The following DISC1 variants were observed in gnomAD, a reference collection of about 807,000 sequenced individuals.
DISC1 encodes the protein disrupted in schizophrenia 1 protein.
In DISC1, 57 loss-of-function variants were observed where a neutral mutation model predicts 84.5. The ratio of observed to expected loss-of-function variants is 0.67; its 90% CI spans 0.55 to 0.84. The LOEUF (loss-of-function observed/expected upper bound fraction) is 0.84. Among genes scored for constraint, DISC1 ranks in the 40% least tolerant of loss-of-function variants. The pLI is 0.00. For synonymous variants in DISC1, 411 were observed against 415.2 expected, an observed-to-expected ratio of 0.99 and a Z score of 0.12; for missense variants, 1,000 against 1,057.8, an observed-to-expected ratio of 0.95 and a Z score of 0.76.
intron 9 of DISC1, among the ~76,000 whole-genome samples, chr1:231,837,648 T>C (rs984838008): frequency 6.6e-6 from 1 of 152,230 alleles, no homozygotes; most frequent in Non-Finnish European, 1.5e-5. Context: ...AAACTGTTAT[T>C]GTATTTAACT....
rs2076505195 is a variant in DISC1 at position 231,770,846 on chromosome 1, A to G, written c.1410A>G (p.Glu470=). 6.2e-7 allele frequency: 1 copy of G among 1,614,002 alleles called. No individual in the cohort carries two copies. Among genetic ancestry groups the G allele is most frequent in the African/African-American group, 1.3e-5 (1 of 74,932 alleles). ...CTCATTCTCTACAGAAAGAAATCGA[A>G]GCTCTCCAAGCAAGGATGTTTGTGC... The part of the protein sequence containing the change: ...QEKQQLQKEI[E]ALQARMFVLE... Residue 470 remains glutamate, a synonymous_variant, in exon 6 of 13, where the codon GAA becomes GAG. Transcript: ENST00000439617.
chr1:231,778,262 G>C (rs1445670172), intron 6 of DISC1, among the ~76,000 whole-genome samples: 1 of 152,224 alleles, frequency 6.6e-6, no homozygotes, highest in South Asian at 2.1e-4. Flanking sequence ...GCAAGGCCCC[G>C]CCCCAGGGCT....
intron 9 of DISC1, among the ~76,000 whole-genome samples, chr1:231,892,773 G>GATAA (rs759899547): frequency 4.3e-4 from 66 of 152,006 alleles, no homozygotes; most frequent in African/African-American, 1.4e-3. Context: ...AGCCTTAATG[G>GATAA]ATAAATAAAT....
intron 3 of DISC1, among the ~76,000 whole-genome samples, chr1:231,740,506 G>A (rs899424212): frequency 6.6e-5 from 10 of 152,190 alleles, no homozygotes; most frequent in Non-Finnish European, 1.5e-4. Context: ...GTGGCTGAGC[G>A]AGCTCACTTA....
intron 10 of DISC1, among the ~76,000 whole-genome samples, chr1:231,965,043 A>G (rs1660903486): frequency 6.6e-6 from 1 of 152,264 alleles, no homozygotes; most frequent in Admixed American, 6.5e-5. Flanking sequence ...CTTTCAAAGT[A>G]TACAGAGACC....
intron 3 of DISC1, chr1:231,724,212 C>T (rs1376667815): frequency 3.9e-6 from 1 of 258,332 alleles, no homozygotes; most frequent in Non-Finnish European, 6.1e-6. Flanking sequence ...GGGCTGTCTC[C>T]TGGGATGCCC....
intron 8 of DISC1, among the ~76,000 whole-genome samples, chr1:231,816,320 AG>A (rs1252329772): frequency 6.6e-6 from 1 of 152,218 alleles, no homozygotes; most frequent in Non-Finnish European, 1.5e-5. Context: ...GTCAAGTTGT[AG>A]TATTCAATTC....
At chr1:231,725,318 C>A (rs114490691) in intron 3 of DISC1, among the ~76,000 whole-genome samples, 304 of 152,302 alleles carry the variant, frequency 2.0e-3, no homozygotes, top group African/African-American at 6.9e-3. Context: ...CTGGTCCAGA[C>A]AGGGTCAAGT....
chr1:231,983,030 C>T (rs1204079244), intron 10 of DISC1, among the ~76,000 whole-genome samples: 1 of 152,138 alleles, frequency 6.6e-6, no homozygotes, highest in Non-Finnish European at 1.5e-5. Context: ...AGCTACCACC[C>T]ATAGGACTGA....
chr1:231,781,249 A>C (rs2077406610), intron 6 of DISC1, among the ~76,000 whole-genome samples: 1 of 148,870 alleles, frequency 6.7e-6, no homozygotes, highest in Non-Finnish European at 1.5e-5. Flanking sequence ...ATTTTTGAAT[A>C]ACAGAACAAA....
intron 9 of DISC1, among the ~76,000 whole-genome samples, chr1:231,878,901 G>T (rs1296860887): frequency 5.9e-5 from 9 of 152,056 alleles, no homozygotes; most frequent in African/African-American, 2.2e-4. Context: ...TCTGTGCCTG[G>T]CTTCTTTCAC....
chr1:231,908,330 T>G (rs1449410781), intron 9 of DISC1, among the ~76,000 whole-genome samples: 1 of 152,228 alleles, frequency 6.6e-6, no homozygotes, highest in Admixed American at 6.5e-5. Flanking sequence ...AAGTCTTTAA[T>G]TCATCTTGAA....
chr1:231,839,100 A>G (rs1342890072), intron 9 of DISC1, among the ~76,000 whole-genome samples: 1 of 152,182 alleles, frequency 6.6e-6, no homozygotes, highest in Non-Finnish European at 1.5e-5. Context: ...GGAGAGCCTC[A>G]CAGAGGAGGC....
intron 6 of DISC1, among the ~76,000 whole-genome samples, chr1:231,786,904 C>T (rs1002999173): frequency 6.6e-6 from 1 of 152,164 alleles, no homozygotes; most frequent in Non-Finnish European, 1.5e-5. Context: ...TTCAGGAAGG[C>T]ACTTCTCGTT....
At chr1:231,859,676 C>G (rs1183230210) in intron 9 of DISC1, among the ~76,000 whole-genome samples, 1 of 152,174 alleles carries the variant, frequency 6.6e-6, no homozygotes, top group Non-Finnish European at 1.5e-5. Context: ...ATCAAAATCT[C>G]TTCTGGCTTT....
intron 1 of DISC1, among the ~76,000 whole-genome samples, chr1:231,641,101 T>A (rs1283247639): frequency 6.6e-6 from 1 of 152,212 alleles, no homozygotes; most frequent in Non-Finnish European, 1.5e-5. Context: ...AGGTTCCCCA[T>A]TAAATACCAA....
chr1:231,883,503 G>A (rs2086445666), intron 9 of DISC1, among the ~76,000 whole-genome samples: 1 of 152,106 alleles, frequency 6.6e-6, no homozygotes, highest in African/African-American at 2.4e-5. Flanking sequence ...GCATCGAGTT[G>A]CCAGGTGCTG....
chr1:231,730,307 C>CT (rs890519250), intron 3 of DISC1, among the ~76,000 whole-genome samples: 2 of 152,198 alleles, frequency 1.3e-5, no homozygotes, highest in African/African-American at 2.4e-5. Context: ...CCAAAACCCA[C>CT]TGTAGACATG....
chr1:231,798,456 A>G (rs1411794906), intron 7 of DISC1, among the ~76,000 whole-genome samples: 2 of 152,190 alleles, frequency 1.3e-5, no homozygotes, highest in Non-Finnish European at 2.9e-5. Context: ...TATGATTAAC[A>G]GATACTGTTC....
Sources: allele counts gnomAD v4.1 joint callset (sites outside exome capture counted in the v4.1 genomes callset), GRCh38; gene constraint gnomAD v4.1.1; transcripts MANE v1.5; gene names NCBI Gene and HGNC (gene_info 2026-07-23, HGNC 2026-07-21).